SBF2: variants seen among roughly 807,000 people sequenced by gnomAD.
The protein encoded by SBF2 is SET binding factor 2.
Under a neutral mutation model 225.2 loss-of-function variants are expected in SBF2, and 112 were observed. The observed-to-expected ratio is 0.50, with a 90% CI of 0.43 to 0.58. The LOEUF is 0.58. SBF2 is among the 20% of genes least tolerant of loss of function. SBF2 has a pLI of 0.00. For missense variants in SBF2, 1,996 were observed against 2,206.2 expected, an observed-to-expected ratio of 0.90 and a Z score of 1.91; for synonymous variants, 763 against 773.3, an observed-to-expected ratio of 0.99 and a Z score of 0.22.
chr11:9,940,877 G>T, intron 16 of SBF2, among the ~76,000 whole-genome samples: 1 of 152,040 alleles, frequency 6.6e-6, no homozygotes, highest in South Asian at 2.1e-4. Flanking sequence ...CAAAGGCAAA[G>T]AGTTTATAGA....
chr11:10,166,805 T>C (rs1051675295), intron 2 of SBF2, among the ~76,000 whole-genome samples: 1 of 151,932 alleles, frequency 6.6e-6, no homozygotes, highest in African/African-American at 2.4e-5. Context: ...CTACTAAAAA[T>C]ACAAAAATAA....
chr11:10,163,601 A>T (rs1204401232), intron 2 of SBF2, among the ~76,000 whole-genome samples: 2 of 152,202 alleles, frequency 1.3e-5, no homozygotes, highest in African/African-American at 4.8e-5. Flanking sequence ...CCAGACATAT[A>T]CCAAACACAA....
intron 17 of SBF2, among the ~76,000 whole-genome samples, chr11:9,876,685 C>A (rs950479611): frequency 6.6e-6 from 1 of 152,188 alleles, no homozygotes; most frequent in African/African-American, 2.4e-5. Context: ...AATATCCACT[C>A]TGTGGTATTT....
intron 2 of SBF2, among the ~76,000 whole-genome samples, chr11:10,131,186 T>C (rs1954031774): frequency 6.6e-6 from 1 of 151,938 alleles, no homozygotes; most frequent in Admixed American, 6.6e-5. Context: ...CCTTGCCACC[T>C]CCAGTGGCTG....
At chr11:9,826,420 C>A (rs1454977771) in intron 28 of SBF2, among the ~76,000 whole-genome samples, 2 of 151,982 alleles carry the variant, frequency 1.3e-5, no homozygotes, top group Admixed American at 1.3e-4. Context: ...TCCAAAGGAC[C>A]AAGATGTGTA....
intron 2 of SBF2, among the ~76,000 whole-genome samples, chr11:10,183,018 G>A (rs186843088): frequency 6.6e-5 from 10 of 152,016 alleles, no homozygotes; most frequent in Admixed American, 2.6e-4. Context: ...TGATCCGCCC[G>A]CCTCGGCCTC....
At chr11:9,858,143 T>C (rs1590238918) in intron 18 of SBF2, 83 bp downstream of exon 18, 24 of 1,492,922 alleles carry the variant, frequency 1.6e-5, no homozygotes, top group Non-Finnish European at 2.1e-5. Context: ...GTAGCTAGAG[T>C]TTTTTTTGCC....
At chr11:10,112,248 A>T (rs1489903798) in intron 2 of SBF2, among the ~76,000 whole-genome samples, 2 of 152,140 alleles carry the variant, frequency 1.3e-5, no homozygotes, top group African/African-American at 2.4e-5. Flanking sequence ...CCCCACCCAA[A>T]TCTCACCTTG....
chr11:10,214,001 T>C (rs1293225174), intron 1 of SBF2, among the ~76,000 whole-genome samples: 2 of 152,248 alleles, frequency 1.3e-5, no homozygotes, highest in Non-Finnish European at 2.9e-5. Context: ...AAGACTCTTT[T>C]AAGCCAATCA....
chr11:10,020,895 A>G (rs1196571445), intron 6 of SBF2, among the ~76,000 whole-genome samples: 1 of 152,000 alleles, frequency 6.6e-6, no homozygotes, highest in Non-Finnish European at 1.5e-5. Context: ...AAACTGAACA[A>G]AAACTTTTTT....
At chr11:9,922,007 A>T (rs962889936) in intron 16 of SBF2, among the ~76,000 whole-genome samples, 2 of 152,186 alleles carry the variant, frequency 1.3e-5, no homozygotes, top group Non-Finnish European at 2.9e-5. Flanking sequence ...GTACTTTAGG[A>T]GGCCAAGGTG....
chr11:9,993,838 C>G lies in SBF2; in HGVS notation c.1053+83G>C, dbSNP rs570490237. On this transcript the variant is annotated intron_variant, in intron 10 of 39. Transcript: ENST00000256190. The stretch of plus-strand genomic sequence containing the variant: ...TACTCTGCTGTCCATCTAACTCTAA[C>G]TTCACTTAGCTTCTTTAACAACCCT... The G allele has an allele frequency of 1.3e-5, 18 of 1,390,522 alleles. No homozygotes were observed. The South Asian group carries it at 1.9e-4, about 15-fold the overall frequency. The allele number at this position is 1,390,522 out of a possible 1,614,324, so 86.1% of individuals were successfully genotyped here.
At chr11:10,143,274 C>T (rs188197122) in intron 2 of SBF2, among the ~76,000 whole-genome samples, 22 of 152,096 alleles carry the variant, frequency 1.4e-4, no homozygotes, top group Non-Finnish European at 2.5e-4. Flanking sequence ...TGGGTTCAAG[C>T]GATTCTCTTA....
rs1423486452 is a variant in SBF2 at position 9,963,864 on chromosome 11, A to C, written c.1619T>G (p.Val540Gly). 5.0e-6 allele frequency: 8 copies of C among 1,599,176 alleles called. No homozygotes were observed. The highest frequency in any genetic ancestry group is 6.9e-6 in the Non-Finnish European group (8 of 1,167,120). Reference protein sequence around the residue: ...GPPVVSIMDKVTTVFNSAQRL... With the variant: ...GPPVVSIMDKGTTVFNSAQRL... ...TTGTGCACTGTTGAAAACTGTCGTC[A>C]CCTTGTCCATTATCGAAACTAGTAA... The change falls in exon 15 of 40, where the codon GTG becomes GGG. Residue 540 changes from valine (V) to glycine (G), a missense_variant. Val to Gly is a moderately radical substitution (Grantham distance 109). Coordinates refer to ENST00000256190, the MANE Select transcript of SBF2 (RefSeq NM_030962.4).
intron 2 of SBF2, among the ~76,000 whole-genome samples, chr11:10,184,221 T>G (rs1956845095): frequency 6.6e-6 from 1 of 152,206 alleles, no homozygotes; most frequent in African/African-American, 2.4e-5. Context: ...ATGATATATA[T>G]GTGAGTTTGC....
chr11:9,935,825 T>C (rs1201953761), intron 16 of SBF2, among the ~76,000 whole-genome samples: 1 of 152,162 alleles, frequency 6.6e-6, no homozygotes, highest in Non-Finnish European at 1.5e-5. Context: ...ATTAAAGACT[T>C]AAATGTTAGA....
chr11:9,871,754 G>C lies in SBF2; in HGVS notation c.1930-13358C>G, dbSNP rs181510067. Among the ~76,000 whole-genome samples, 11 of 152,146 alleles carry C rather than the reference G, an allele frequency of 7.2e-5. No homozygotes were observed. The East Asian group carries it at 2.1e-3, about 29-fold the overall frequency. On this transcript the variant is annotated intron_variant, in intron 17 of 39. Transcript: ENST00000256190. The stretch of plus-strand genomic sequence containing the variant: ...GAACCGCCTGCCTCAGCCTCCCAAA[G>C]TGCTGGGATTACAGGCATGAGCCAC...
intron 16 of SBF2, chr11:9,958,102 TC>T (rs1406273660): frequency 6.6e-6 from 1 of 151,824 alleles, no homozygotes; most frequent in Admixed American, 6.6e-5. Flanking sequence ...AAAGAAAAAA[TC>T]CCCCTCCTTC....
Position 10,101,801 on chromosome 11 carries a change from A to G in SBF2, c.142-58820T>C, listed in dbSNP as rs570407503. On this transcript the variant is annotated intron_variant, in intron 2 of 39. Transcript: ENST00000256190. ...AGCAAATCTGGTGCGCTTTGTGCTA[A>G]GAATGTCTTTCAGTGTCGTTCTGTA... Among the ~76,000 whole-genome samples, 4 of 152,216 alleles carry G rather than the reference A, an allele frequency of 2.6e-5. No homozygotes were observed. The South Asian group carries it at 8.3e-4, about 32-fold the overall frequency.
Sources: allele counts gnomAD v4.1 joint callset (sites outside exome capture counted in the v4.1 genomes callset), GRCh38; gene constraint gnomAD v4.1.1; transcripts MANE v1.5; gene names NCBI Gene and HGNC (gene_info 2026-07-23, HGNC 2026-07-21).